The following ZNF112 variants were observed in gnomAD, a reference collection of about 807,000 sequenced individuals.
The protein encoded by ZNF112 is zinc finger protein 112 (Y14).
In ZNF112, 37 loss-of-function variants were observed where a neutral mutation model predicts 77.7. The ratio of observed to expected loss-of-function variants is 0.48; its 90% CI spans 0.37 to 0.63. The LOEUF is 0.63. ZNF112 is among the 20% of genes least tolerant of loss of function. ZNF112 has a pLI of 0.00. For missense variants in ZNF112, 950 were observed against 1,077.4 expected, an observed-to-expected ratio of 0.88 and a Z score of 1.66; for synonymous variants, 333 against 363.6, an observed-to-expected ratio of 0.92 and a Z score of 0.96.
At chr19:44,338,522 C>T (rs1351601231) in intron 2 of ZNF112, among the ~76,000 whole-genome samples, 3 of 152,132 alleles carry the variant, frequency 2.0e-5, no homozygotes, top group Admixed American at 2.0e-4. Context: ...GATGTGATTC[C>T]CTCAAAAGTG....
Position 44,328,296 on chromosome 19 carries a change from G to A in ZNF112, c.1861C>T (p.His621Tyr). ...GFSRSSHLQG[H>Y]QRVHTGEKPF... ...TTTTCTCCAGTGTGGACTCTCTGAT[G>A]GCCTTGAAGGTGTGAACTCCGACTG... The change falls in exon 4 of 4, where the codon CAT becomes TAT. Residue 621 changes from histidine to tyrosine, a missense_variant. His to Tyr is a moderately conservative substitution (Grantham distance 83). Transcript: ENST00000354340. 1 of 1,614,030 alleles carries A rather than the reference G, an allele frequency of 6.2e-7. No homozygotes were observed. Among genetic ancestry groups the A allele is most frequent in the Non-Finnish European group, 8.5e-7 (1 of 1,179,996 alleles).
At chr19:44,354,274 T>C (rs10422719) in intron 1 of ZNF112, among the ~76,000 whole-genome samples, 2,010 of 152,224 alleles carry the variant, frequency 0.013, 48 homozygotes, top group African/African-American at 0.046. Flanking sequence ...AACTGTTCTT[T>C]TTCTGACTAC....
At chr19:44,356,335 A>ATTATATTATT (rs143941374) in intron 1 of ZNF112, among the ~76,000 whole-genome samples, 5,769 of 152,202 alleles carry the variant, frequency 0.038, 311 homozygotes, top group African/African-American at 0.12. Context: ...CTGTTATTAT[A>ATTATATTATT]CTGCTAGGAA....
rs771519711 is a variant in ZNF112, at chr19:44,336,641, G to C, written c.202C>G (p.Pro68Ala). 6.2e-7 allele frequency: 1 copy of C among 1,613,904 alleles called. No individual in the cohort carries two copies. Among genetic ancestry groups the C allele is most frequent in the South Asian group, 1.1e-5 (1 of 91,068 alleles). The change falls in exon 3 of 4, where the codon CCA becomes GCA. Residue 68 changes from proline to alanine, a missense_variant. By Grantham distance (27) the Pro-to-Ala change is conservative. Around this residue, in one of 3 missense-constraint regions of ZNF112, gnomAD observed 560 missense variants for 557.3 expected, o/e 1.00. Coordinates refer to ENST00000354340, the MANE Select transcript of ZNF112 (RefSeq NM_013380.4). ...TTCTCACCTGAACATCCATCTCTTGGGGTTTCTGTCTCCACCATCAAAAGC... is the reference window on the plus strand; with the variant it reads ...TTCTCACCTGAACATCCATCTCTTGCGGTTTCTGTCTCCACCATCAAAAGC... ...EKLLMVETET[P>A]RDGCSGRKNQ...
At chr19:44,333,814 G>C (rs933397743) in intron 3 of ZNF112, among the ~76,000 whole-genome samples, 1 of 152,148 alleles carries the variant, frequency 6.6e-6, no homozygotes, top group Non-Finnish European at 1.5e-5. Flanking sequence ...GTTCTTTACA[G>C]CAATGGGAGA....
intron 2 of ZNF112, 90 bp downstream of exon 2, chr19:44,340,326 A>T: frequency 6.5e-7 from 1 of 1,529,680 alleles, no homozygotes; most frequent in Non-Finnish European, 8.8e-7. Context: ...CTCAGAGAAT[A>T]ATTTCAGGGG....
Position 44,328,459 on chromosome 19 carries a change from C to T in ZNF112, c.1698G>A (p.Gln566=), listed in dbSNP as rs756522463. The T allele has an allele frequency of 6.2e-7, 1 of 1,614,138 alleles. No homozygotes were observed. The highest frequency in any genetic ancestry group is 8.5e-7 in the Non-Finnish European group (1 of 1,180,002). Residue 566 remains glutamine (Q), a synonymous_variant, in exon 4 of 4, where the codon CAG becomes CAA. Coordinates refer to ENST00000354340, the MANE Select transcript of ZNF112 (RefSeq NM_013380.4). The stretch of plus-strand genomic sequence containing the variant: ...AAGGTTTTTCTCCAGTGTGGACTCT[C>T]TGATGGGCTTGAAGATATGAACTCC... ...FSRSSYLQAH[Q]RVHTGEKPYK...
chr19:44,347,506 TACTATTCCATTCATTGTATCTATTAGC>T (rs1970615617), intron 1 of ZNF112, among the ~76,000 whole-genome samples: 4 of 100,040 alleles, frequency 4.0e-5, no homozygotes, highest in Admixed American at 1.2e-4. Context: ...TTTTTTTTTT[TACTATTCCATTCATTGTATCTATTAGC>T]TTTTGGCTAT....
chr19:44,335,323 T>C (rs925898295), intron 3 of ZNF112, among the ~76,000 whole-genome samples: 4 of 152,214 alleles, frequency 2.6e-5, no homozygotes, highest in Non-Finnish European at 4.4e-5. Flanking sequence ...AACTAGTTTG[T>C]TTATTAGAGT....
At chr19:44,344,318 ACT>A (rs1970546860) in intron 1 of ZNF112, among the ~76,000 whole-genome samples, 5 of 21,488 alleles carry the variant, frequency 2.3e-4, no homozygotes, top group African/African-American at 5.9e-4. Context: ...AAGGTTTGTT[ACT>A]TTACTTTACT....
At position 44,327,415 on chromosome 19, in the gene ZNF112, A is replaced by G. The variant is rs111963145; in HGVS notation, c.*18T>C. On this transcript the variant is annotated 3_prime_UTR_variant, in exon 4 of 4. Transcript: ENST00000354340. ...AGAACTCTAGTGACTGGAAAATTTC[A>G]GCTCCCATTTGAGGACTTCAAAACA... The G allele has an allele frequency of 3.3e-3, 5,036 of 1,542,640 alleles. 172 individuals carry two copies. The African/African-American group carries it at 0.062, about 19-fold the overall frequency.
Position 44,332,872 on chromosome 19 carries a change from C to T in ZNF112, c.221-2936G>A, listed in dbSNP as rs186303039. ...TCACACTCTTCTAAAAAAGACCACACATGTAACAACATTAATTTCCTTTAG... is the reference window on the plus strand; with the variant it reads ...TCACACTCTTCTAAAAAAGACCACATATGTAACAACATTAATTTCCTTTAG... On this transcript the variant is annotated intron_variant, in intron 3 of 3. Coordinates refer to ENST00000354340, the MANE Select transcript of ZNF112 (RefSeq NM_013380.4). 8.3e-4 allele frequency among the ~76,000 whole-genome samples: 127 copies of T among 152,310 alleles called. 1 individual carries two copies. Among genetic ancestry groups the T allele is most frequent in the Middle Eastern group, 3.4e-3 (1 of 294 alleles).
intron 3 of ZNF112, among the ~76,000 whole-genome samples, chr19:44,335,003 GCTTCC>G (rs1970339932): frequency 6.6e-6 from 1 of 152,228 alleles, no homozygotes; most frequent in Non-Finnish European, 1.5e-5. Context: ...CCCACCAACA[GCTTCC>G]ACCACGTGCC....
At chr19:44,362,335 A>G (rs1970863153) in intron 1 of ZNF112, among the ~76,000 whole-genome samples, 1 of 152,116 alleles carries the variant, frequency 6.6e-6, no homozygotes, top group African/African-American at 2.4e-5. Flanking sequence ...ACATTGAGAA[A>G]TTTTTTAATG....
At chr19:44,331,297 A>G (rs1398939301) in intron 3 of ZNF112, among the ~76,000 whole-genome samples, 2 of 152,232 alleles carry the variant, frequency 1.3e-5, no homozygotes, top group Non-Finnish European at 2.9e-5. Context: ...ACAGAACTCA[A>G]TGAATACTGA....
chr19:44,351,605 A>G (rs2722738), intron 1 of ZNF112, among the ~76,000 whole-genome samples: 40,072 of 151,936 alleles, frequency 0.26, 6,447 homozygotes, highest in African/African-American at 0.45. Context: ...TTTGTCAATT[A>G]AAGTTTCCTC....
chr19:44,332,702 C>G (rs1970292645), intron 3 of ZNF112, among the ~76,000 whole-genome samples: 1 of 152,226 alleles, frequency 6.6e-6, no homozygotes, highest in Admixed American at 6.5e-5. Flanking sequence ...TCTCACAAAG[C>G]AACTGTTTCA....
chr19:44,341,708 T>C (rs1318674708), intron 1 of ZNF112, among the ~76,000 whole-genome samples: 2 of 152,244 alleles, frequency 1.3e-5, no homozygotes, highest in Non-Finnish European at 2.9e-5. Flanking sequence ...AATAATTCAT[T>C]TGGAGGACAC....
At position 44,329,104 on chromosome 19, in the gene ZNF112, C is replaced by T. The variant is rs772684332; in HGVS notation, c.1053G>A (p.Met351Ile). 1 of 1,613,860 alleles carries T rather than the reference C, an allele frequency of 6.2e-7. No individual in the cohort carries two copies. The highest frequency in any genetic ancestry group is 1.1e-5 in the South Asian group (1 of 91,076). The change falls in exon 4 of 4, where the codon ATG becomes ATA. Residue 351 changes from methionine (M) to isoleucine (I), a missense_variant. Met to Ile is a conservative substitution (Grantham distance 10). Transcript: ENST00000354340. ...TCTCATAAATGTTGTGCCTATAGGA[C>T]ATCTCACCTGTGTGGATAAGTTCAT... ...NTYELIHTGE[M>I]SYRHNIYEKA...
Sources: allele counts gnomAD v4.1 joint callset (sites outside exome capture counted in the v4.1 genomes callset), GRCh38; gene constraint gnomAD v4.1.1; regional missense constraint gnomAD v4.1.1; transcripts MANE v1.5; gene names NCBI Gene and HGNC (gene_info 2026-07-23, HGNC 2026-07-21).